Variants in CPA6 observed in about 807,000 individuals in gnomAD.
CPA6 encodes the protein carboxypeptidase B.
Under a neutral mutation model 63.3 loss-of-function variants are expected in CPA6, and 58 were observed. That is an observed-to-expected ratio of 0.92 (90% CI 0.74 to 1.14). The LOEUF (loss-of-function observed/expected upper bound fraction) is 1.14, where lower values mean the gene tolerates loss of function less well. Among genes scored for constraint, CPA6 ranks in the 50% most tolerant of loss-of-function variants. The pLI, the probability that CPA6 is intolerant of heterozygous loss-of-function variation, is 0.00. For missense variants in CPA6, 565 were observed against 526.6 expected (o/e 1.07, Z -0.71); for synonymous variants, 185 against 179.0 (o/e 1.03, Z -0.27).
intron 1 of CPA6, among the ~76,000 whole-genome samples, chr8:67,712,717 A>G (rs1817288277): frequency 6.6e-6 from 1 of 152,160 alleles, no homozygotes; most frequent in African/African-American, 2.4e-5. Context: ...ATTTTTCAAT[A>G]GCCATGAATG....
intron 8 of CPA6, among the ~76,000 whole-genome samples, chr8:67,472,466 C>G (rs1268584805): frequency 6.7e-6 from 1 of 150,012 alleles, no homozygotes; most frequent in Admixed American, 6.7e-5. Context: ...GCTCTGTCAC[C>G]CAGGCCGGAG....
At chr8:67,503,269 T>G (rs541308289) in intron 6 of CPA6, among the ~76,000 whole-genome samples, 18 of 151,806 alleles carry the variant, frequency 1.2e-4, no homozygotes, top group African/African-American at 4.3e-4. Context: ...GAACTCCTGA[T>G]CTCAAGTGGC....
At chr8:67,502,488 A>G (rs994678456) in intron 6 of CPA6, among the ~76,000 whole-genome samples, 4 of 151,844 alleles carry the variant, frequency 2.6e-5, no homozygotes, top group African/African-American at 9.7e-5. Flanking sequence ...AATTTCATTT[A>G]TTTTTGCTCT....
chr8:67,449,748 T>G (rs911119809), intron 8 of CPA6, among the ~76,000 whole-genome samples: 1 of 151,560 alleles, frequency 6.6e-6, no homozygotes, highest in Non-Finnish European at 1.5e-5. Context: ...TGTTCTCCCT[T>G]CCTGTCCTCC....
intron 1 of CPA6, among the ~76,000 whole-genome samples, chr8:67,700,258 G>A (rs1202285869): frequency 6.6e-6 from 1 of 152,084 alleles, no homozygotes; most frequent in Admixed American, 6.5e-5. Flanking sequence ...CAATAATCAT[G>A]GTTACAAGTT....
intron 2 of CPA6, among the ~76,000 whole-genome samples, chr8:67,591,292 T>C (rs1814116522): frequency 6.6e-6 from 1 of 152,016 alleles, no homozygotes; most frequent in Non-Finnish European, 1.5e-5. Context: ...ACTGTAGCCT[T>C]GTAGTATAGT....
intron 2 of CPA6, among the ~76,000 whole-genome samples, chr8:67,543,482 C>G (rs1812748529): frequency 1.3e-5 from 2 of 152,126 alleles, no homozygotes; most frequent in African/African-American, 4.8e-5. Flanking sequence ...TTGACAAATA[C>G]ACAGTTAAAG....
At chr8:67,530,491 T>A (rs1308666589) in intron 2 of CPA6, among the ~76,000 whole-genome samples, 1 of 152,122 alleles carries the variant, frequency 6.6e-6, no homozygotes, top group Non-Finnish European at 1.5e-5. Context: ...GAGAACTAGA[T>A]AACTGGAACA....
At chr8:67,560,952 C>T (rs765334398) in intron 2 of CPA6, among the ~76,000 whole-genome samples, 1 of 152,114 alleles carries the variant, frequency 6.6e-6, no homozygotes, top group Non-Finnish European at 1.5e-5. Flanking sequence ...TTGGCCTACC[C>T]AACCCTGATT....
chr8:67,502,876 G>T (rs1484560666), intron 6 of CPA6, among the ~76,000 whole-genome samples: 1 of 152,074 alleles, frequency 6.6e-6, no homozygotes, highest in African/African-American at 2.4e-5. Flanking sequence ...ACTTGTTGAG[G>T]TCTATGTTTT....
At chr8:67,621,815 C>T (rs1312589595) in intron 2 of CPA6, among the ~76,000 whole-genome samples, 1 of 152,194 alleles carries the variant, frequency 6.6e-6, no homozygotes, top group Non-Finnish European at 1.5e-5. Context: ...AGCTCCTTTA[C>T]ATCCAAACCC....
chr8:67,483,755 G>T lies in CPA6; in HGVS notation c.838+13C>A. On this transcript the variant is annotated intron_variant, in intron 8 of 10. Coordinates refer to ENST00000297770, the MANE Select transcript of CPA6 (RefSeq NM_020361.5). ...AACCTTTGGATCTGGATCCCAGTTG[G>T]TCCCAAACTTACCACACCACTTCAC... 1 of 1,610,612 alleles carries T rather than the reference G, an allele frequency of 6.2e-7. No homozygotes were observed. The highest frequency in any genetic ancestry group is 1.1e-5 in the South Asian group (1 of 91,006).
At chr8:67,712,655 C>T (rs1587721277) in intron 1 of CPA6, among the ~76,000 whole-genome samples, 1 of 152,154 alleles carries the variant, frequency 6.6e-6, no homozygotes, top group African/African-American at 2.4e-5. Context: ...AAAGCCTTCT[C>T]ACATAAAAGT....
At chr8:67,704,257 C>T (rs1817085942) in intron 1 of CPA6, among the ~76,000 whole-genome samples, 1 of 152,162 alleles carries the variant, frequency 6.6e-6, no homozygotes, top group Non-Finnish European at 1.5e-5. Flanking sequence ...AAATTTTCCT[C>T]CATTTCTCTA....
At chr8:67,571,868 A>G (rs1179715141) in intron 2 of CPA6, among the ~76,000 whole-genome samples, 3 of 152,194 alleles carry the variant, frequency 2.0e-5, no homozygotes, top group Non-Finnish European at 4.4e-5. Flanking sequence ...CTAGAAAAAC[A>G]ATATGGAAGA....
chr8:67,588,758 T>C (rs534072665), intron 2 of CPA6, among the ~76,000 whole-genome samples: 29 of 152,304 alleles, frequency 1.9e-4, no homozygotes, highest in African/African-American at 7.0e-4. Flanking sequence ...GTTTCTTACA[T>C]TTTGTTTTCA....
intron 2 of CPA6, among the ~76,000 whole-genome samples, chr8:67,527,163 T>A (rs1812380789): frequency 6.6e-6 from 1 of 152,228 alleles, no homozygotes; most frequent in Admixed American, 6.5e-5. Context: ...ACTTATAATT[T>A]TAACACTGAT....
chr8:67,575,996 T>A (rs770099915), intron 2 of CPA6, among the ~76,000 whole-genome samples: 1 of 152,172 alleles, frequency 6.6e-6, no homozygotes, highest in African/African-American at 2.4e-5. Flanking sequence ...ATTGAATTCA[T>A]GGGAACTGAG....
At chr8:67,628,311 A>G (rs1815239972) in intron 1 of CPA6, among the ~76,000 whole-genome samples, 1 of 152,188 alleles carries the variant, frequency 6.6e-6, no homozygotes, top group African/African-American at 2.4e-5. Flanking sequence ...GCTAAGGAAG[A>G]GTATCTCTGT....
Sources: allele counts gnomAD v4.1 joint callset (sites outside exome capture counted in the v4.1 genomes callset), GRCh38; gene constraint gnomAD v4.1.1; transcripts MANE v1.5; gene names NCBI Gene and HGNC (gene_info 2026-07-23, HGNC 2026-07-21).